The following NUBPL variants were observed in gnomAD, a reference collection of about 807,000 sequenced individuals.
NUBPL encodes NUBP iron-sulfur cluster assembly factor, mitochondrial.
A neutral mutation model predicts 45.7 loss-of-function variants in NUBPL; 31 were observed. The observed-to-expected ratio is 0.68, with a 90% CI of 0.51 to 0.92. The LOEUF (loss-of-function observed/expected upper bound fraction) is 0.92, where lower values mean the gene tolerates loss of function less well. Among genes scored for constraint, NUBPL ranks in the 40% least tolerant of loss-of-function variants. The probability of loss-of-function intolerance (pLI) is 0.00; values close to 1 mark genes in which losing one functional copy is unlikely to be tolerated. For missense variants in NUBPL, 401 were observed against 398.7 expected (o/e 1.01, Z -0.05); for synonymous variants, 144 against 140.9 (o/e 1.02, Z -0.15).
chr14:31,855,623 G>GT (rs34242973), intron 10 of NUBPL, among the ~76,000 whole-genome samples: 479 of 146,152 alleles, frequency 3.3e-3, no homozygotes, highest in Middle Eastern at 3.6e-3. Flanking sequence ...TGTTTTTAGA[G>GT]TTTTTTTTTT....
At chr14:31,823,961 T>G (rs976427265) in intron 7 of NUBPL, among the ~76,000 whole-genome samples, 3 of 151,990 alleles carry the variant, frequency 2.0e-5, no homozygotes, top group African/African-American at 7.2e-5. Context: ...TTGGGCAAAG[T>G]AAATCAAAAT....
At chr14:31,759,196 CT>C (rs1384319223) in intron 6 of NUBPL, among the ~76,000 whole-genome samples, 1 of 151,938 alleles carries the variant, frequency 6.6e-6, no homozygotes, top group Non-Finnish European at 1.5e-5. Context: ...TTTGTTTATT[CT>C]TTTTTAAATT....
chr14:31,846,414 G>A (rs2040453443), intron 8 of NUBPL, 57 bp from the exon 9 acceptor site: 1 of 1,447,826 alleles, frequency 6.9e-7, no homozygotes. Flanking sequence ...ATTTGTTGAA[G>A]TAATGTATTA....
intron 4 of NUBPL, among the ~76,000 whole-genome samples, chr14:31,605,168 G>T (rs1379721185): frequency 6.6e-6 from 1 of 152,116 alleles, no homozygotes; most frequent in East Asian, 1.9e-4. Flanking sequence ...TTATAGTATA[G>T]CCAAATTATA....
At chr14:31,830,515 A>G (rs775917516) in intron 8 of NUBPL, among the ~76,000 whole-genome samples, 2 of 152,150 alleles carry the variant, frequency 1.3e-5, no homozygotes, top group Non-Finnish European at 2.9e-5. Context: ...TGGCCAATTT[A>G]GGGAACTCAT....
intron 7 of NUBPL, among the ~76,000 whole-genome samples, chr14:31,801,512 C>G (rs2039589833): frequency 6.6e-6 from 1 of 152,182 alleles, no homozygotes; most frequent in South Asian, 2.1e-4. Flanking sequence ...ACCAGTAGTA[C>G]AGTCAAATTA....
At chr14:31,850,051 A>G in intron 9 of NUBPL, 68 bp from the exon 10 acceptor site, 1 of 1,146,146 alleles carries the variant, frequency 8.7e-7, no homozygotes. Context: ...CCATAGTTCA[A>G]ATAGTGAGAT....
At chr14:31,843,094 C>T (rs1315070922) in intron 8 of NUBPL, among the ~76,000 whole-genome samples, 2 of 152,158 alleles carry the variant, frequency 1.3e-5, no homozygotes. Flanking sequence ...TGTATTGCAT[C>T]GTTCTCTGTA....
intron 8 of NUBPL, among the ~76,000 whole-genome samples, chr14:31,831,974 C>T (rs1392082333): frequency 2.0e-5 from 3 of 151,978 alleles, no homozygotes; most frequent in Non-Finnish European, 4.4e-5. Flanking sequence ...AGATTGTGAC[C>T]CACCAACAGA....
intron 4 of NUBPL, among the ~76,000 whole-genome samples, chr14:31,652,708 T>C (rs2036040102): frequency 1.3e-5 from 2 of 152,108 alleles, no homozygotes; most frequent in African/African-American, 4.8e-5. Context: ...AGTTTGTGAG[T>C]TGCGTTTTTA....
At chr14:31,695,783 A>G (rs2037201760) in intron 6 of NUBPL, among the ~76,000 whole-genome samples, 1 of 152,124 alleles carries the variant, frequency 6.6e-6, no homozygotes, top group Non-Finnish European at 1.5e-5. Flanking sequence ...TTTATAAATT[A>G]CCCAGTCTGT....
chr14:31,716,088 A>G (rs2037682692), intron 6 of NUBPL, among the ~76,000 whole-genome samples: 1 of 152,094 alleles, frequency 6.6e-6, no homozygotes, highest in South Asian at 2.1e-4. Context: ...CAGGATTAGC[A>G]GTATCATTGT....
chr14:31,701,708 A>C (rs1293185336), intron 6 of NUBPL, among the ~76,000 whole-genome samples: 1 of 152,188 alleles, frequency 6.6e-6, no homozygotes, highest in African/African-American at 2.4e-5. Flanking sequence ...TTCACTCCTG[A>C]AGTCAGCGAG....
intron 4 of NUBPL, among the ~76,000 whole-genome samples, chr14:31,652,075 G>GATATATATACAGAATATATC: frequency 6.6e-6 from 1 of 151,944 alleles, no homozygotes; most frequent in East Asian, 1.9e-4. Context: ...AAGAAAATGT[G>GATATATATACAGAATATATC]ATATATATAC....
chr14:31,716,760 C>A (rs1384111258), intron 6 of NUBPL, among the ~76,000 whole-genome samples: 5 of 152,152 alleles, frequency 3.3e-5, no homozygotes, highest in Non-Finnish European at 5.9e-5. Context: ...GATTAGAATT[C>A]ATCACTCATC....
intron 6 of NUBPL, among the ~76,000 whole-genome samples, chr14:31,747,906 ATC>A (rs2140013092): frequency 6.6e-6 from 1 of 151,838 alleles, no homozygotes; most frequent in East Asian, 1.9e-4. Context: ...GGTATTTGAA[ATC>A]TTTCTACTTT....
chr14:31,800,292 C>G (rs1051155744), intron 7 of NUBPL, among the ~76,000 whole-genome samples: 1 of 152,154 alleles, frequency 6.6e-6, no homozygotes, highest in Non-Finnish European at 1.5e-5. Context: ...ATTTTGACCC[C>G]TGCCCATGAA....
chr14:31,577,366 G>A (rs2033743388), intron 3 of NUBPL, among the ~76,000 whole-genome samples: 1 of 152,138 alleles, frequency 6.6e-6, no homozygotes, highest in Non-Finnish European at 1.5e-5. Flanking sequence ...TGATTGTAGG[G>A]TAGTTCTTAT....
intron 3 of NUBPL, among the ~76,000 whole-genome samples, chr14:31,596,824 C>T (rs2034296927): frequency 6.6e-6 from 1 of 152,168 alleles, no homozygotes; most frequent in African/African-American, 2.4e-5. Flanking sequence ...ATAATACCAC[C>T]TTGCAGTGTT....
Sources: allele counts gnomAD v4.1 joint callset (sites outside exome capture counted in the v4.1 genomes callset), GRCh38; gene constraint gnomAD v4.1.1; transcripts MANE v1.5; gene names NCBI Gene and HGNC (gene_info 2026-07-23, HGNC 2026-07-21).